Variants in RALGAPA2 observed in about 807,000 individuals in gnomAD.
RALGAPA2 encodes the protein ral GTPase-activating protein subunit alpha-2.
A neutral mutation model predicts 230.4 loss-of-function variants in RALGAPA2; 139 were observed. The observed-to-expected ratio is 0.60, with a 90% CI of 0.53 to 0.69. The LOEUF (loss-of-function observed/expected upper bound fraction) is 0.69. RALGAPA2 is among the 30% of genes least tolerant of loss of function. The pLI is 0.00. For synonymous variants in RALGAPA2, 847 were observed against 837.8 expected (o/e 1.01, Z -0.19); for missense variants, 2,163 against 2,276.0 (o/e 0.95, Z 1.01).
At chr20:20,636,668 T>TC (rs976374115) in intron 8 of RALGAPA2, among the ~76,000 whole-genome samples, 6 of 152,130 alleles carry the variant, frequency 3.9e-5, no homozygotes, top group Admixed American at 3.3e-4. Context: ...TGTCACCACT[T>TC]CCCCTCCAAA....
intron 23 of RALGAPA2, among the ~76,000 whole-genome samples, chr20:20,547,100 G>A (rs937735301): frequency 3.3e-5 from 5 of 152,216 alleles, no homozygotes; most frequent in East Asian, 1.9e-4. Context: ...TCTGTCTTCC[G>A]TGTAAAGGTA....
intron 37 of RALGAPA2, among the ~76,000 whole-genome samples, chr20:20,439,392 T>C (rs2060685716): frequency 6.6e-6 from 1 of 152,032 alleles, no homozygotes; most frequent in Non-Finnish European, 1.5e-5. Context: ...TCTGTATTTC[T>C]TGTAGAGATG....
Position 20,712,529 on chromosome 20 carries a change from G to A in RALGAPA2, c.-49C>T. 2 of 1,517,912 alleles carry A rather than the reference G, an allele frequency of 1.3e-6. No homozygotes were observed. Among genetic ancestry groups the A allele is most frequent in the South Asian group, 1.2e-5 (1 of 81,488 alleles). The allele number at this position is 1,517,912 out of a possible 1,614,324, so 94.0% of individuals were successfully genotyped here. The stretch of plus-strand genomic sequence containing the variant: ...CGCCGGCGGGGCAGTAGGCGCCTGC[G>A]CCACGCGAATCAAAGCATAGGGTCG... On this transcript the variant is annotated 5_prime_UTR_variant, in exon 1 of 40. Transcript: ENST00000202677. This position sits in a 1 kb window ranked among gnomAD's most constrained non-coding sequence, Gnocchi z 5.5.
chr20:20,496,146 A>G (rs1459148981), intron 35 of RALGAPA2, among the ~76,000 whole-genome samples: 1 of 149,542 alleles, frequency 6.7e-6, no homozygotes, highest in African/African-American at 2.6e-5. Context: ...AGTGTAGCCC[A>G]CTTGTTTTAT....
At chr20:20,622,258 A>G (rs2066347289) in intron 10 of RALGAPA2, among the ~76,000 whole-genome samples, 1 of 152,138 alleles carries the variant, frequency 6.6e-6, no homozygotes, top group South Asian at 2.1e-4. Context: ...ATGACTGGAG[A>G]TGCAGAAAAA....
At chr20:20,434,098 A>G (rs1450915978) in intron 37 of RALGAPA2, among the ~76,000 whole-genome samples, 5 of 152,180 alleles carry the variant, frequency 3.3e-5, no homozygotes, top group African/African-American at 1.2e-4. Context: ...AAGCCCCTGA[A>G]AAATCAAAGC....
At chr20:20,459,587 C>T (rs939465049) in intron 37 of RALGAPA2, among the ~76,000 whole-genome samples, 1 of 151,834 alleles carries the variant, frequency 6.6e-6, no homozygotes, top group Non-Finnish European at 1.5e-5. Context: ...TGGGGAGTGG[C>T]GACCATACAG....
At chr20:20,462,135 A>G (rs1286053055) in intron 37 of RALGAPA2, among the ~76,000 whole-genome samples, 1 of 152,230 alleles carries the variant, frequency 6.6e-6, no homozygotes, top group Non-Finnish European at 1.5e-5. Context: ...ATAAGCCACT[A>G]AACATTGTAG....
rs368053272 is a variant in RALGAPA2 at position 20,391,233 on chromosome 20, A to C, written c.*2056T>G. ...CAGGAGCAGCTCAACAGCAGGATCA[A>C]GCCTGAGTGATGGTGGCCAAGCTAT... On this transcript the variant is annotated 3_prime_UTR_variant, in exon 40 of 40. Coordinates refer to ENST00000202677, the MANE Select transcript of RALGAPA2 (RefSeq NM_020343.4). 6.6e-6 allele frequency: 1 copy of C among 152,290 alleles called. No individual in the cohort carries two copies. The highest frequency in any genetic ancestry group is 1.5e-5 in the Non-Finnish European group (1 of 68,086). 9.4% of individuals were successfully genotyped at this position (152,290 alleles called of 1,614,324 possible).
chr20:20,665,292 G>A (rs188760990), intron 3 of RALGAPA2, among the ~76,000 whole-genome samples: 4 of 152,126 alleles, frequency 2.6e-5, no homozygotes, highest in Non-Finnish European at 4.4e-5. Context: ...TGCTAGTATT[G>A]CCTTCCACAG....
chr20:20,508,609 G>T (rs1228705107), intron 33 of RALGAPA2, among the ~76,000 whole-genome samples: 4 of 152,158 alleles, frequency 2.6e-5, no homozygotes, highest in African/African-American at 9.7e-5. Context: ...CAAAGAACAT[G>T]TTAAGAAGGA....
At chr20:20,690,013 T>G (rs951223835) in intron 1 of RALGAPA2, among the ~76,000 whole-genome samples, 1 of 152,136 alleles carries the variant, frequency 6.6e-6, no homozygotes, top group Non-Finnish European at 1.5e-5. Context: ...CTGTCATATC[T>G]TTTTCAGTCT....
intron 3 of RALGAPA2, among the ~76,000 whole-genome samples, chr20:20,670,116 T>C (rs1171400644): frequency 6.6e-6 from 1 of 152,258 alleles, no homozygotes; most frequent in Non-Finnish European, 1.5e-5. Context: ...TGGTAATTTA[T>C]ACTCCATGAG....
At chr20:20,686,947 C>T (rs1286048429) in intron 1 of RALGAPA2, among the ~76,000 whole-genome samples, 1 of 152,090 alleles carries the variant, frequency 6.6e-6, no homozygotes, top group Non-Finnish European at 1.5e-5. Context: ...TTCAGTTCTC[C>T]TCTAATAGGG....
intron 23 of RALGAPA2, among the ~76,000 whole-genome samples, chr20:20,554,027 C>A (rs918166846): frequency 1.3e-5 from 2 of 152,130 alleles, no homozygotes; most frequent in Non-Finnish European, 2.9e-5. Flanking sequence ...GAAATTCACC[C>A]TATAAAGTGT....
chr20:20,669,746 T>C (rs541785084), intron 3 of RALGAPA2, among the ~76,000 whole-genome samples: 2 of 152,332 alleles, frequency 1.3e-5, no homozygotes, highest in South Asian at 4.1e-4. Context: ...GTGTGACATG[T>C]CTGTTTCTAG....
chr20:20,706,246 A>G lies in RALGAPA2; in HGVS notation c.106+6129T>C, dbSNP rs541320519. Reference sequence around the variant, plus strand: ...TTCACTTTTCTCACATCAGAAGTCTAGACAACCTCAAGCCTTAGAGGGATG... The same window carrying G: ...TTCACTTTTCTCACATCAGAAGTCTGGACAACCTCAAGCCTTAGAGGGATG... On this transcript the variant is annotated intron_variant, in intron 1 of 39. Transcript: ENST00000202677. Among the ~76,000 whole-genome samples the G allele has an allele frequency of 6.6e-5, 10 of 152,350 alleles. No homozygotes were observed. The East Asian group carries it at 1.9e-3, about 29-fold the overall frequency.
intron 36 of RALGAPA2, among the ~76,000 whole-genome samples, chr20:20,483,128 G>A (rs1315589968): frequency 6.6e-6 from 1 of 152,210 alleles, no homozygotes; most frequent in African/African-American, 2.4e-5. Context: ...TCTGTTGGGT[G>A]TTCCTCACAA....
chr20:20,618,356 C>G (rs1385792666), intron 12 of RALGAPA2, among the ~76,000 whole-genome samples: 1 of 152,062 alleles, frequency 6.6e-6, no homozygotes, highest in African/African-American at 2.4e-5. Context: ...CACCAAAAGT[C>G]TTTAAAGATG....
Sources: gnomAD v4.1 joint callset for allele counts (sites outside exome capture counted in the v4.1 genomes callset) on GRCh38, gnomAD v4.1.1 for gene constraint, Gnocchi (gnomAD v3.1) non-coding constraint, MANE v1.5 for transcripts, NCBI Gene and HGNC (gene_info 2026-07-23, HGNC 2026-07-21) for gene names.